Variants in TELO2 observed in about 807,000 individuals in gnomAD.
TELO2 encodes the protein telomere maintenance 2, also known as telomere length regulation protein TEL2 homolog.
A neutral mutation model predicts 91.0 loss-of-function variants in TELO2; 71 were observed. The ratio of observed to expected loss-of-function variants is 0.78; its 90% confidence interval spans 0.64 to 0.95. The LOEUF (loss-of-function observed/expected upper bound fraction) is 0.95. Ranked by LOEUF, TELO2 falls within the 40% of genes least tolerant of loss-of-function variation. The pLI is 0.00. For missense variants in TELO2, 1,183 were observed against 1,141.3 expected, an observed-to-expected ratio of 1.04 and a Z score of -0.53; for synonymous variants, 584 against 518.9, an observed-to-expected ratio of 1.13 and a Z score of -1.71.
At chr16:1,499,369 C>T (rs760882962) in intron 6 of TELO2, 36 bp downstream of exon 6, 10 of 1,602,700 alleles carry the variant, frequency 6.2e-6, no homozygotes, top group Non-Finnish European at 8.5e-6. Flanking sequence ...CTGCTGGCTG[C>T]CCCATCACAG....
intron 15 of TELO2, among the ~76,000 whole-genome samples, chr16:1,503,660 G>A (rs1423915503): frequency 1.3e-5 from 2 of 152,196 alleles, no homozygotes; most frequent in Admixed American, 6.5e-5. Context: ...CGAGCCGTCC[G>A]GAGGAGCTAG....
rs149959107 is a variant in TELO2 at position 1,495,340 on chromosome 16, C to G, written c.336-6C>G. On this transcript the variant is annotated splice_region_variant and splice_polypyrimidine_tract_variant and intron_variant, in intron 2 of 20. Transcript: ENST00000262319. ...GCGGCTCTGCCCAACACGCCCGTAT[C>G]TTCAGCCCCAGCTTCCGGCTGATGA... 1.8e-4 allele frequency: 277 copies of G among 1,538,974 alleles called. No homozygotes were observed. In the African/African-American group the frequency reaches 3.2e-3, roughly 18 times the overall value.
At position 1,507,721 on chromosome 16, in the gene TELO2, G is replaced by T; in HGVS notation, c.2407+5G>T. On this transcript the variant is annotated splice_donor_5th_base_variant and intron_variant, in intron 20 of 20. Transcript: ENST00000262319. The stretch of plus-strand genomic sequence containing the variant: ...AAGCCCGGTCCTGGCTGGCGGGTGA[G>T]TGTCGGCCTGCGGTGTGTGTGTGAG... 6.3e-7 allele frequency: 1 copy of T among 1,599,336 alleles called. No homozygotes were observed. The highest frequency in any genetic ancestry group is 1.3e-5 in the African/African-American group (1 of 75,000).
chr16:1,500,738 C>A, intron 9 of TELO2, 39 bp downstream of exon 9: 1 of 1,600,626 alleles, frequency 6.2e-7, no homozygotes, highest in Non-Finnish European at 8.5e-7. Context: ...GTGTGGCTGG[C>A]CCGGGTCTCC....
chr16:1,493,774 C>A lies in TELO2; in HGVS notation c.-37+169C>A, dbSNP rs893773217. 2.0e-5 allele frequency among the ~76,000 whole-genome samples: 3 copies of A among 152,216 alleles called. No homozygotes were observed. The highest frequency in any genetic ancestry group is 6.5e-5 in the Admixed American group (1 of 15,284). ...GGTCCGCGTGCGGCTCCTCTAGCCCCGAACCCGTGTTCCCCGTAAGCTGTT... is the reference window on the plus strand; with the variant it reads ...GGTCCGCGTGCGGCTCCTCTAGCCCAGAACCCGTGTTCCCCGTAAGCTGTT... On this transcript the variant is annotated intron_variant, in intron 1 of 20. Transcript: ENST00000262319. The surrounding 1 kb of genome is among the most constrained non-coding windows in gnomAD (Gnocchi z 4.3).
chr16:1,497,632 ACAG>A lies in TELO2; in HGVS notation c.830+125_830+127del. 7.4e-7 allele frequency: 1 copy of A among 1,350,548 alleles called. No individual in the cohort carries two copies. The highest frequency in any genetic ancestry group is 9.8e-7 in the Non-Finnish European group (1 of 1,015,246). 83.7% of individuals were successfully genotyped at this position (1,350,548 alleles called of 1,614,324 possible). On this transcript the variant is annotated intron_variant, in intron 5 of 20. Coordinates refer to ENST00000262319, the MANE Select transcript of TELO2 (RefSeq NM_016111.4). The surrounding 1 kb of genome is among the most constrained non-coding windows in gnomAD (Gnocchi z 4.0). ...CAGCTGGCACCCCCATGTAGGTGCC[ACAG>A]GGTGTGGGTGGTGCCCTCTCAGTTC...
At chr16:1,496,512 C>T (rs910886471) in intron 3 of TELO2, among the ~76,000 whole-genome samples, 2 of 152,232 alleles carry the variant, frequency 1.3e-5, no homozygotes, top group Non-Finnish European at 2.9e-5. Flanking sequence ...TTCACGTGTT[C>T]GGGGTTGGCT....
chr16:1,497,767 G>A lies in TELO2; in HGVS notation c.830+259G>A, dbSNP rs1200034430. 5.9e-5 allele frequency among the ~76,000 whole-genome samples: 9 copies of A among 152,166 alleles called. No homozygotes were observed. Among genetic ancestry groups the A allele is most frequent in the Admixed American group, 2.6e-4 (4 of 15,278 alleles). The stretch of plus-strand genomic sequence containing the variant: ...CGTAAAGGCGCCTGTACCTTGGGCC[G>A]TCCACCCGTCCTGCGCCTGTGGTCC... On this transcript the variant is annotated intron_variant, in intron 5 of 20. Coordinates refer to ENST00000262319, the MANE Select transcript of TELO2 (RefSeq NM_016111.4). This position sits in a 1 kb window ranked among gnomAD's most constrained non-coding sequence, Gnocchi z 4.0.
intron 6 of TELO2, among the ~76,000 whole-genome samples, 171 bp downstream of exon 6, chr16:1,499,504 C>T (rs2039601467): frequency 6.6e-6 from 1 of 151,740 alleles, no homozygotes; most frequent in African/African-American, 2.4e-5. Flanking sequence ...GATGACAGGC[C>T]CTGCTGTGAC....
At chr16:1,504,514 A>C (rs1056186320) in intron 15 of TELO2, among the ~76,000 whole-genome samples, 3 of 150,550 alleles carry the variant, frequency 2.0e-5, no homozygotes, top group Non-Finnish European at 3.0e-5. Context: ...TAAAGCAAAA[A>C]AGACTGAGAA....
chr16:1,508,743 G>A (rs2040000587), intron 20 of TELO2, among the ~76,000 whole-genome samples: 2 of 152,230 alleles, frequency 1.3e-5, no homozygotes, highest in South Asian at 4.1e-4. Flanking sequence ...CATGGGGAGT[G>A]GAGCCAACGA....
chr16:1,495,613 C>T lies in TELO2; in HGVS notation c.603C>T (p.Asp201=). 1.3e-6 allele frequency: 2 copies of T among 1,599,000 alleles called. No individual in the cohort carries two copies. Among genetic ancestry groups the T allele is most frequent in the East Asian group, 2.2e-5 (1 of 44,506 alleles). Residue 201 remains aspartate, a synonymous_variant, in exon 3 of 21, where the codon GAC becomes GAT. Coordinates refer to ENST00000262319, the MANE Select transcript of TELO2 (RefSeq NM_016111.4). ...EVVRVLQAVV[D]SLQGGLDSSV... ...TCCGGGTGCTGCAGGCGGTTGTGGA[C>T]TCTCTCCAAGGTGAGGCCCTGCCTC...
At chr16:1,495,322 T>C in intron 2 of TELO2, 24 bp from the exon 3 acceptor site, 1 of 1,518,270 alleles carries the variant, frequency 6.6e-7, no homozygotes, top group African/African-American at 1.4e-5. Context: ...TTGGCGGCTC[T>C]GCCCAACACG....
At position 1,502,410 on chromosome 16, in the gene TELO2, T is replaced by A. The variant is rs2039724143; in HGVS notation, c.1653+6T>A. 1 of 1,579,602 alleles carries A rather than the reference T, an allele frequency of 6.3e-7. No homozygotes were observed. Among genetic ancestry groups the A allele is most frequent in the Non-Finnish European group, 8.6e-7 (1 of 1,163,874 alleles). On this transcript the variant is annotated splice_donor_region_variant and intron_variant, in intron 13 of 20. Transcript: ENST00000262319. ...GCCCCACAGCCACTCGGGAGGTGAGTGGGGGGCGGGAGTGGGTGGGGAGGC... is the reference window on the plus strand; with the variant it reads ...GCCCCACAGCCACTCGGGAGGTGAGAGGGGGGCGGGAGTGGGTGGGGAGGC...
chr16:1,507,530 C>T (rs2039940764), intron 19 of TELO2, 71 bp from the exon 20 acceptor site: 7 of 1,498,850 alleles, frequency 4.7e-6, no homozygotes, highest in Non-Finnish European at 5.4e-6. Flanking sequence ...GGGTGGTCTG[C>T]CACACTGAGG....
rs373899324 is a variant in TELO2 at position 1,499,325 on chromosome 16, C to T, written c.925C>T (p.Arg309Trp). The T allele has an allele frequency of 2.2e-5, 36 of 1,602,698 alleles. No homozygotes were observed. Among genetic ancestry groups the T allele is most frequent in the East Asian group, 6.7e-5 (3 of 44,624 alleles). The change falls in exon 6 of 21, where the codon CGG becomes TGG. Residue 309 changes from arginine (R) to tryptophan (W), a missense_variant. Arg to Trp is a moderately radical substitution (Grantham distance 101). Coordinates refer to ENST00000262319, the MANE Select transcript of TELO2 (RefSeq NM_016111.4). ...MTQKLLFLQS[R>W]LTTPMLQSLL... ...CCAGAAGCTTCTGTTCTTACAGTCC[C>T]GGCTCACGGTGAGGACGCCACGGAG...
At chr16:1,503,970 A>G (rs902288471) in intron 15 of TELO2, among the ~76,000 whole-genome samples, 3 of 151,856 alleles carry the variant, frequency 2.0e-5, no homozygotes, top group Non-Finnish European at 4.4e-5. Context: ...TGTCATCTCC[A>G]CCAGAAGAAA....
chr16:1,500,671 AC>A lies in TELO2; in HGVS notation c.1257del (p.Glu420ArgfsTer5). ...IVAEVVSARI[H>X]PEGPPLKFQY... ...GCAGAGGTCGTTAGTGCCCGGATCC[AC>A]CCCGAGGGGCCTCCCCTGAAATTCC... is the stretch of plus-strand genomic sequence containing the variant. On this transcript the variant is annotated frameshift_variant, in exon 9 of 21. Transcript: ENST00000262319. LOFTEE classifies it high-confidence loss of function. 6.2e-7 allele frequency: 1 copy of A among 1,612,262 alleles called. No homozygotes were observed. The highest frequency in any genetic ancestry group is 8.5e-7 in the Non-Finnish European group (1 of 1,179,764).
chr16:1,497,167 C>T lies in TELO2; in HGVS notation c.682+63C>T. On this transcript the variant is annotated intron_variant, in intron 4 of 20. Transcript: ENST00000262319. This position sits in a 1 kb window ranked among gnomAD's most constrained non-coding sequence, Gnocchi z 4.0. ...ACCCTCACAGCCCATCAGCCTTCTG[C>T]AGAAGGCCGAGAATCCCTCCTGACC... 1 of 1,597,084 alleles carries T rather than the reference C, an allele frequency of 6.3e-7. No individual in the cohort carries two copies. The highest frequency in any genetic ancestry group is 8.6e-7 in the Non-Finnish European group (1 of 1,168,308).
Sources: gnomAD v4.1 joint callset for allele counts (sites outside exome capture counted in the v4.1 genomes callset) on GRCh38, gnomAD v4.1.1 for gene constraint, Gnocchi (gnomAD v3.1) non-coding constraint, MANE v1.5 for transcripts, NCBI Gene and HGNC (gene_info 2026-07-23, HGNC 2026-07-21) for gene names.